The following VPS37A variants were observed in gnomAD, a reference collection of about 807,000 sequenced individuals.
VPS37A encodes VPS37A subunit of ESCRT-I, also known as vacuolar protein sorting-associated protein 37A.
VPS37A carries 30 observed loss-of-function variants against 49.8 expected under a neutral mutation model. That is an observed-to-expected ratio of 0.60 (90% CI 0.45 to 0.82). The LOEUF is 0.82. Among genes scored for constraint, VPS37A ranks in the 40% least tolerant of loss-of-function variants. VPS37A has a pLI of 0.00. For synonymous variants in VPS37A, 195 were observed against 160.6 expected (o/e 1.21, Z -1.62); for missense variants, 593 against 464.4 (o/e 1.28, Z -2.55).
chr8:17,248,031 T>C (rs73200921), intron 1 of VPS37A: 18,615 of 486,488 alleles, frequency 0.038, 506 homozygotes, highest in Non-Finnish European at 0.051. Flanking sequence ...TTCCTGTGAG[T>C]TTTTCATTTT....
At chr8:17,285,682 T>C (rs1366427041) in intron 10 of VPS37A, among the ~76,000 whole-genome samples, 1 of 152,184 alleles carries the variant, frequency 6.6e-6, no homozygotes, top group Non-Finnish European at 1.5e-5. Context: ...AGTGACTTAC[T>C]TATGGTTATA....
downstream of VPS37A, chr8:17,305,709 C>T (rs1293316647): frequency 1.3e-6 from 2 of 1,514,504 alleles, no homozygotes; most frequent in East Asian, 2.3e-5. Context: ...TCTCAGTCAT[C>T]AAAATCTTTA....
At chr8:17,321,561 G>A in the VPS37A span, among the ~76,000 whole-genome samples, 1 of 152,312 alleles carries the variant, frequency 6.6e-6, no homozygotes, top group African/African-American at 2.4e-5. Flanking sequence ...GGGCAGATGG[G>A]GATACACTTG....
intron 4 of VPS37A, among the ~76,000 whole-genome samples, chr8:17,271,671 A>T (rs1169772536): frequency 6.7e-6 from 1 of 150,166 alleles, no homozygotes; most frequent in Non-Finnish European, 1.5e-5. Flanking sequence ...CAAAAGCAAC[A>T]CCCACTAAGC....
At chr8:17,266,434 A>G (rs1813461735) in intron 2 of VPS37A, among the ~76,000 whole-genome samples, 1 of 152,238 alleles carries the variant, frequency 6.6e-6, no homozygotes, top group Admixed American at 6.5e-5. Context: ...TTTTAAGAAA[A>G]ACAAAAAAGT....
At chr8:17,257,803 T>G (rs1812610073) in intron 1 of VPS37A, among the ~76,000 whole-genome samples, 1 of 152,226 alleles carries the variant, frequency 6.6e-6, no homozygotes, top group South Asian at 2.1e-4. Flanking sequence ...GTACATGTCC[T>G]CTTCAATTTC....
At chr8:17,270,674 A>G (rs191107131) in intron 4 of VPS37A, among the ~76,000 whole-genome samples, 2 of 152,326 alleles carry the variant, frequency 1.3e-5, no homozygotes, top group African/African-American at 2.4e-5. Flanking sequence ...AAAGTTCAAG[A>G]AGTTCATATG....
At chr8:17,326,297 T>A in the VPS37A span, 2 of 152,162 alleles carry the variant, frequency 1.3e-5, no homozygotes, top group Admixed American at 6.5e-5. Flanking sequence ...ATCCGTAAAA[T>A]GAAGATAAGA....
chr8:17,264,088 A>G (rs902236551), intron 1 of VPS37A, among the ~76,000 whole-genome samples: 1 of 152,184 alleles, frequency 6.6e-6, no homozygotes, highest in African/African-American at 2.4e-5. Context: ...TATTTTGCGT[A>G]ATCTAACAAA....
At chr8:17,249,558 C>T (rs1811780748) in intron 1 of VPS37A, among the ~76,000 whole-genome samples, 1 of 152,188 alleles carries the variant, frequency 6.6e-6, no homozygotes, top group African/African-American at 2.4e-5. Flanking sequence ...TTAAGTAGGT[C>T]ATATGCTTCC....
chr8:17,274,469 G>T (rs571540981), intron 4 of VPS37A, among the ~76,000 whole-genome samples: 1 of 151,626 alleles, frequency 6.6e-6, no homozygotes, highest in East Asian at 1.9e-4. Context: ...ACTCCGTCCA[G>T]TTGAATTGCA....
intron 5 of VPS37A, 136 bp downstream of exon 5, chr8:17,275,094 C>A: frequency 1.3e-6 from 1 of 793,316 alleles, no homozygotes. Flanking sequence ...TTTTTCAATT[C>A]AAGTAACAGG....
At chr8:17,258,355 A>C (rs903277377) in intron 1 of VPS37A, among the ~76,000 whole-genome samples, 2 of 152,102 alleles carry the variant, frequency 1.3e-5, no homozygotes, top group Non-Finnish European at 1.5e-5. Context: ...TGTAATCACA[A>C]AGGATTTTAT....
At chr8:17,301,803 A>C, downstream of VPS37A, 2 of 299,160 alleles carry the variant, frequency 6.7e-6, no homozygotes, top group Non-Finnish European at 1.2e-5. Context: ...GTGGGGAAAG[A>C]GTTTTACAAG....
At chr8:17,256,281 G>T (rs1812443029) in intron 1 of VPS37A, among the ~76,000 whole-genome samples, 1 of 139,276 alleles carries the variant, frequency 7.2e-6, no homozygotes, top group Admixed American at 7.0e-5. Flanking sequence ...TTTTAGCTGG[G>T]GTAAAATGAT....
At chr8:17,290,371 C>A (rs1265144434) in intron 11 of VPS37A, among the ~76,000 whole-genome samples, 1 of 152,122 alleles carries the variant, frequency 6.6e-6, no homozygotes, top group Admixed American at 6.5e-5. Context: ...ACCTAGTTTA[C>A]TGAGTGTTTT....
At chr8:17,321,539 AT>A in the VPS37A span, among the ~76,000 whole-genome samples, 1 of 152,220 alleles carries the variant, frequency 6.6e-6, no homozygotes, top group Non-Finnish European at 1.5e-5. Context: ...TCTGCAGATG[AT>A]TAATAGACAT....
downstream of VPS37A, chr8:17,302,120 C>G: frequency 3.1e-6 from 5 of 1,613,520 alleles, no homozygotes; most frequent in Non-Finnish European, 4.2e-6. Flanking sequence ...GAAATAAGCA[C>G]AGAAAATAGA....
At chr8:17,309,960 T>C in the VPS37A span, among the ~76,000 whole-genome samples, 1 of 152,146 alleles carries the variant, frequency 6.6e-6, no homozygotes, top group Non-Finnish European at 1.5e-5. Flanking sequence ...GATTATTATT[T>C]TTAAGTATTT....
Sources: allele counts gnomAD v4.1 joint callset (sites outside exome capture counted in the v4.1 genomes callset), GRCh38; gene constraint gnomAD v4.1.1; transcripts MANE v1.5; gene names NCBI Gene and HGNC (gene_info 2026-07-23, HGNC 2026-07-21).